Variants in FN1 observed in about 807,000 individuals in gnomAD.
FN1 encodes the protein fibronectin.
Under a neutral mutation model 297.3 loss-of-function variants are expected in FN1, and 106 were observed. The observed-to-expected ratio is 0.36, with a 90% CI of 0.30 to 0.42. The LOEUF (loss-of-function observed/expected upper bound fraction) is 0.42, where lower values mean the gene tolerates loss of function less well. Ranked by LOEUF, FN1 falls within the 10% of genes least tolerant of loss-of-function variation. The pLI is 1.00. For missense variants in FN1, 2,690 were observed against 3,124.9 expected (o/e 0.86, Z 3.32); for synonymous variants, 1,149 against 1,152.6 (o/e 1.00, Z 0.06).
Position 215,399,291 on chromosome 2 carries a change from A to G in FN1, c.3314T>C (p.Ile1105Thr), listed in dbSNP as rs2060693625. 4 of 1,614,016 alleles carry G rather than the reference A, an allele frequency of 2.5e-6. No individual in the cohort carries two copies. The highest frequency in any genetic ancestry group is 3.4e-6 in the Non-Finnish European group (4 of 1,179,906). The change falls in exon 21 of 46, where the codon ATC becomes ACC. Residue 1105 changes from isoleucine to threonine, a missense_variant. Around this residue, in one of 3 missense-constraint regions of FN1, gnomAD observed 1,743 missense variants for 1,945.2 expected, o/e 0.90. Transcript: ENST00000354785. ...NTEVTETTIV[I>T]TWTPAPRIGF... ...AATTCTTGGAGCAGGCGTCCATGTGATCACAATGGTGGTCTCAGTCACCTC... is the reference window on the plus strand; with the variant it reads ...AATTCTTGGAGCAGGCGTCCATGTGGTCACAATGGTGGTCTCAGTCACCTC...
At chr2:215,401,144 T>C (rs1405721848) in intron 20 of FN1, among the ~76,000 whole-genome samples, 15 of 147,558 alleles carry the variant, frequency 1.0e-4, no homozygotes, top group Non-Finnish European at 4.5e-5. Context: ...TTTTGGGTTT[T>C]AGCACCAAAA....
In FN1 at chr2:215,383,411, G is replaced by A; in HGVS notation, c.4967C>T (p.Ser1656Leu). The change falls in exon 31 of 46, where the codon TCA (serine) becomes TTA (leucine). Residue 1656 changes from serine to leucine, a missense_variant. Ser to Leu is a moderately radical substitution (Grantham distance 145, BLOSUM62 -2). Around this residue, in one of 3 missense-constraint regions of FN1, gnomAD observed 1,743 missense variants for 1,945.2 expected, o/e 0.90. Transcript: ENST00000354785. The part of the protein sequence containing the change: ...DNSISVKWLP[S>L]SSPVTGYRVT... ...TCTGTAACCAGTAACAGGGGAACTT[G>A]AAGGCAGCCACTTGACACTAATGCT... 1 of 1,614,060 alleles carries A rather than the reference G, an allele frequency of 6.2e-7. No homozygotes were observed. Among genetic ancestry groups the A allele is most frequent in the Non-Finnish European group, 8.5e-7 (1 of 1,179,960 alleles).
chr2:215,420,590 G>A (rs1575748562), intron 11 of FN1, 83 bp downstream of exon 11: 6 of 1,557,640 alleles, frequency 3.9e-6, no homozygotes, highest in Non-Finnish European at 5.3e-6. Context: ...CTTCAGTCAT[G>A]TGATTTCACA....
intron 21 of FN1, among the ~76,000 whole-genome samples, chr2:215,398,557 G>A (rs767659893): frequency 1.3e-5 from 2 of 152,146 alleles, no homozygotes; most frequent in African/African-American, 2.4e-5. Flanking sequence ...TATTTGAGTA[G>A]CATAATCATA....
At chr2:215,409,171 CTT>C (rs1223264174) in intron 15 of FN1, among the ~76,000 whole-genome samples, 4 of 152,104 alleles carry the variant, frequency 2.6e-5, no homozygotes, top group African/African-American at 9.7e-5. Context: ...ATGGCACACA[CTT>C]CAGTGCGCCA....
At chr2:215,376,801 G>T in intron 35 of FN1, 127 bp from the exon 36 acceptor site, 1 of 765,306 alleles carries the variant, frequency 1.3e-6, no homozygotes, top group Non-Finnish European at 2.2e-6. Context: ...CTAGTAATGT[G>T]TAGATTATCT....
intron 13 of FN1, among the ~76,000 whole-genome samples, chr2:215,413,248 A>T (rs967838807): frequency 6.6e-6 from 1 of 152,076 alleles, no homozygotes; most frequent in African/African-American, 2.4e-5. Flanking sequence ...GCTCCTGAGG[A>T]GCTGGGACTA....
intron 38 of FN1, 61 bp from the exon 39 acceptor site, chr2:215,373,472 G>A (rs1043917464): frequency 1.6e-5 from 22 of 1,385,458 alleles, no homozygotes; most frequent in East Asian, 2.3e-5. Context: ...AGTGGAAGTC[G>A]GTCTCACCAG....
chr2:215,432,435 G>T (rs1345138642), intron 3 of FN1, among the ~76,000 whole-genome samples: 1 of 152,154 alleles, frequency 6.6e-6, no homozygotes, highest in Non-Finnish European at 1.5e-5. Flanking sequence ...TATAAAGTGT[G>T]GAAATCCTGG....
Position 215,362,074 on chromosome 2 carries a change from C to G in FN1, c.7257G>C (p.Trp2419Cys). Residue 2419 changes from tryptophan (W) to cysteine (C), a missense_variant, in exon 45 of 46, where the codon TGG becomes TGC. Coordinates refer to ENST00000354785, the MANE Select transcript of FN1 (RefSeq NM_212482.4). ...CAGGTCTGCGGCAGTTGTCACAGCG[C>G]CAGCCCTGAGAGAGTAGAGGCATGA... ...SCTCFGGQRG[W>C]RCDNCRRPGG... The G allele has an allele frequency of 6.2e-7, 1 of 1,613,462 alleles. No homozygotes were observed. Among genetic ancestry groups the G allele is most frequent in the South Asian group, 1.1e-5 (1 of 91,018 alleles).
intron 20 of FN1, among the ~76,000 whole-genome samples, chr2:215,403,005 T>G (rs2061335840): frequency 6.6e-6 from 1 of 152,158 alleles, no homozygotes; most frequent in Admixed American, 6.5e-5. Context: ...ACAAGACAAC[T>G]ATAGAATTCT....
chr2:215,430,104 G>A (rs113762075), intron 5 of FN1, among the ~76,000 whole-genome samples: 29 of 152,346 alleles, frequency 1.9e-4, no homozygotes, highest in African/African-American at 6.3e-4. Context: ...GGTTCAGCTA[G>A]ATAAATAAAA....
At chr2:215,369,740 A>C (rs969011049) in intron 41 of FN1, among the ~76,000 whole-genome samples, 6 of 152,202 alleles carry the variant, frequency 3.9e-5, no homozygotes, top group African/African-American at 1.4e-4. Flanking sequence ...TAGTCAGAAA[A>C]AAAAATGGAA....
At chr2:215,434,648 C>T (rs770121292) in intron 2 of FN1, 48 bp downstream of exon 2, 2 of 1,608,838 alleles carry the variant, frequency 1.2e-6, no homozygotes, top group South Asian at 2.2e-5. Context: ...TAACAATTAC[C>T]ACTTCATGTA....
In FN1 at chr2:215,430,809, G is replaced by T. The variant is rs115105030; in HGVS notation, c.591C>A (p.Val197=). 5.8e-4 allele frequency: 940 copies of T among 1,614,020 alleles called. 6 individuals carry two copies. The African/African-American group carries it at 8.9e-3, about 15-fold the overall frequency. ...FDHAAGTSYV[V]GETWEKPYQG... is the part of the protein sequence containing the mutation. ...GGTAGGGCTTCTCCCACGTTTCTCCGACCACATAGGAAGTCCCAGCAGCAT... is the reference window on the plus strand; with the variant it reads ...GGTAGGGCTTCTCCCACGTTTCTCCTACCACATAGGAAGTCCCAGCAGCAT... Residue 197 remains valine (V), a synonymous_variant, in exon 5 of 46, where the codon GTC becomes GTA. Transcript: ENST00000354785.
Position 215,397,130 on chromosome 2 carries a change from A to C in FN1, c.3604+7T>G. On this transcript the variant is annotated splice_region_variant and intron_variant, in intron 23 of 45. Coordinates refer to ENST00000354785, the MANE Select transcript of FN1 (RefSeq NM_212482.4). ...TATACTTGCCCTCTGATCCATCCCA[A>C]ACTTACCTGGGGTGGTGCTCCTCTC... The C allele has an allele frequency of 6.2e-7, 1 of 1,604,894 alleles. No homozygotes were observed.
At chr2:215,383,990 C>T (rs1217111759) in intron 30 of FN1, 30 bp downstream of exon 30, 1 of 1,610,064 alleles carries the variant, frequency 6.2e-7, no homozygotes, top group Non-Finnish European at 8.5e-7. Flanking sequence ...TAAGTAAAAG[C>T]TGGTGTCACC....
In FN1 at chr2:215,419,325, T is replaced by A. The variant is rs750870933; in HGVS notation, c.1736A>T (p.Tyr579Phe). ...FYQIGDSWEK[Y>F]VHGVRYQCYC... Reference sequence around the variant, plus strand: ...GCACTGGTATCTGACACCATGCACATACTTCTCCCATGAATCTCCAATTTG... The same window carrying A: ...GCACTGGTATCTGACACCATGCACAAACTTCTCCCATGAATCTCCAATTTG... The change falls in exon 12 of 46, where the codon TAT (tyrosine) becomes TTT (phenylalanine). Residue 579 changes from tyrosine to phenylalanine, a missense_variant. Tyr to Phe is a conservative substitution (Grantham distance 22). Coordinates refer to ENST00000354785, the MANE Select transcript of FN1 (RefSeq NM_212482.4). 8.7e-6 allele frequency: 14 copies of A among 1,613,222 alleles called. No individual in the cohort carries two copies. The East Asian group carries it at 1.3e-4, about 15-fold the overall frequency.
In FN1 at chr2:215,435,877, G is replaced by T; in HGVS notation, c.-75C>A. 6.7e-7 allele frequency: 1 copy of T among 1,485,738 alleles called. No individual in the cohort carries two copies. Among genetic ancestry groups the T allele is most frequent in the Admixed American group, 2.1e-5 (1 of 46,578 alleles). 92.0% of individuals were successfully genotyped at this position (1,485,738 alleles called of 1,614,324 possible). A position where few individuals can be genotyped will look rare whatever the true frequency, so the allele number is the denominator to read the frequency against. On this transcript the variant is annotated 5_prime_UTR_variant, in exon 1 of 46. Transcript: ENST00000354785. Reference sequence around the variant, plus strand: ...AAGTTTGCTTCCCTTCGCAACCTGCGGGAAAAATCCCTTCTAATGCCTCCC... The same window carrying T: ...AAGTTTGCTTCCCTTCGCAACCTGCTGGAAAAATCCCTTCTAATGCCTCCC...
Sources: allele counts gnomAD v4.1 joint callset (sites outside exome capture counted in the v4.1 genomes callset), GRCh38; gene constraint gnomAD v4.1.1; regional missense constraint gnomAD v4.1.1; transcripts MANE v1.5; gene names NCBI Gene and HGNC (gene_info 2026-07-23, HGNC 2026-07-21).